MRPL43: variants seen among roughly 807,000 people sequenced by gnomAD.
MRPL43 encodes the protein mitochondrial ribosomal protein L43, also known as large ribosomal subunit protein mL43.
A neutral mutation model predicts 12.7 loss-of-function variants in MRPL43; 9 were observed. That is an observed-to-expected ratio of 0.71 (90% confidence interval 0.43 to 1.24). MRPL43 has a LOEUF of 1.24. MRPL43 is among the 50% of genes most tolerant of loss of function. The pLI is 0.00. For missense variants in MRPL43, 211 were observed against 229.2 expected, an observed-to-expected ratio of 0.92 and a Z score of 0.51; for synonymous variants, 116 against 96.4, an observed-to-expected ratio of 1.20 and a Z score of -1.19.
At chr10:100,984,589 C>T, downstream of MRPL43, 1 of 1,536,220 alleles carries the variant, frequency 6.5e-7, no homozygotes, top group Non-Finnish European at 8.7e-7. Context: ...TGCCAGCCAC[C>T]TAAGCCCTGC....
chr10:100,980,414 G>C, downstream of MRPL43: 1 of 1,488,542 alleles, frequency 6.7e-7, no homozygotes, highest in Non-Finnish European at 9.3e-7. Context: ...ATTAATTCCT[G>C]CCATGACTAG....
rs759996647 is a variant in MRPL43 at position 100,986,709 on chromosome 10, G to C, written c.*25C>G. ...TACCGGAGTAACAGTCCAAAGCCTG[G>C]GGCTGCAGTTGGTGGGGCAACTCTT... On this transcript the variant is annotated 3_prime_UTR_variant, in exon 3 of 3. Transcript: ENST00000318364. 1.2e-6 allele frequency: 2 copies of C among 1,613,822 alleles called. No individual in the cohort carries two copies. The highest frequency in any genetic ancestry group is 1.7e-6 in the Non-Finnish European group (2 of 1,179,950).
chr10:100,984,544 G>C, downstream of MRPL43: 1 of 1,536,158 alleles, frequency 6.5e-7, no homozygotes, highest in Non-Finnish European at 8.7e-7. Flanking sequence ...GCATGGCCCT[G>C]TGTGCTGGAT....
chr10:100,980,549 G>A (rs751891606), downstream of MRPL43: 1 of 1,581,534 alleles, frequency 6.3e-7, no homozygotes, highest in Non-Finnish European at 8.7e-7. Flanking sequence ...CCATAGTTGG[G>A]GTCTAACTCT....
chr10:100,987,226 A>T, intron 1 of MRPL43, 30 bp from the exon 2 acceptor site: 1 of 1,613,110 alleles, frequency 6.2e-7, no homozygotes, highest in Non-Finnish European at 8.5e-7. Context: ...GAGCAGTATG[A>T]CCCCTGACTG....
chr10:100,981,336 A>G (rs994450797), downstream of MRPL43: 6 of 1,602,496 alleles, frequency 3.7e-6, no homozygotes, highest in East Asian at 1.1e-4. Context: ...GGCTATGTAC[A>G]TTTGGTAAGG....
chr10:100,984,539 GC>G (rs1564801111), downstream of MRPL43: 1 of 1,536,012 alleles, frequency 6.5e-7, no homozygotes, highest in East Asian at 2.4e-5. Context: ...CCTCTGCATG[GC>G]CCTGTGTGCT....
chr10:100,983,739 C>G (rs1242957860), downstream of MRPL43: 2 of 1,612,992 alleles, frequency 1.2e-6, no homozygotes, highest in Non-Finnish European at 1.7e-6. Context: ...ACGAGGGCGC[C>G]GACGGAAATA....
chr10:100,981,104 A>T (rs1269472376), downstream of MRPL43: 1 of 1,609,220 alleles, frequency 6.2e-7, no homozygotes, highest in African/African-American at 1.3e-5. Flanking sequence ...AGACCTATCT[A>T]CCCTTTCACT....
Position 100,987,422 on chromosome 10 carries a change from T to G in MRPL43, c.22A>C (p.Ser8Arg), listed in dbSNP as rs764438517. The change falls in exon 1 of 3, where the codon AGC (serine) becomes CGC (arginine). Residue 8 changes from serine (S) to arginine (R), a missense_variant. Ser to Arg is a moderately radical substitution (Grantham distance 110). Transcript: ENST00000318364. The part of the protein sequence containing the change: MTARGTP[S>R]RFLASVLHNG... ...TGGAGAACGCTGGCCAAGAAGCGGC[T>G]CGGAGTCCCGCGCGCCGTCATAGCT... 1 of 1,612,328 alleles carries G rather than the reference T, an allele frequency of 6.2e-7. No homozygotes were observed. Among genetic ancestry groups the G allele is most frequent in the South Asian group, 1.1e-5 (1 of 91,054 alleles).
downstream of MRPL43, chr10:100,984,084 A>C (rs1177109703): frequency 6.2e-7 from 1 of 1,613,476 alleles, no homozygotes; most frequent in Non-Finnish European, 8.5e-7. Context: ...CCTGGAAAAA[A>C]GGAAGCACAC....
downstream of MRPL43, chr10:100,985,565 G>A (rs1851411332): frequency 6.6e-6 from 1 of 152,574 alleles, no homozygotes; most frequent in South Asian, 2.1e-4. Context: ...TGGGGAGCCT[G>A]GGCTCAGCTC....
rs950240945 is a variant in MRPL43, at chr10:100,986,649, C to T, written c.*85G>A. 1.2e-6 allele frequency: 2 copies of T among 1,613,828 alleles called. No homozygotes were observed. Among genetic ancestry groups the T allele is most frequent in the Middle Eastern group, 1.6e-4 (1 of 6,062 alleles). ...TTGCCCATTGATGGGTTCCATTTGC[C>T]TGGGCTTGGAATCCCAAAGGGGAAG... On this transcript the variant is annotated 3_prime_UTR_variant, in exon 3 of 3. Coordinates refer to ENST00000318364, the MANE Select transcript of MRPL43 (RefSeq NM_032112.3).
At chr10:100,979,024 T>C (rs1042929380), downstream of MRPL43, 15 of 1,613,626 alleles carry the variant, frequency 9.3e-6, no homozygotes, top group African/African-American at 1.3e-5. Flanking sequence ...GCAAGGTGGA[T>C]TGGGCTGACG....
chr10:100,980,587 G>A, downstream of MRPL43: 1 of 1,613,870 alleles, frequency 6.2e-7, no homozygotes, highest in Non-Finnish European at 8.5e-7. Context: ...GCTGATGGCT[G>A]GATCCACAAG....
At chr10:100,984,329 C>G, downstream of MRPL43, 1 of 1,437,492 alleles carries the variant, frequency 7.0e-7, no homozygotes, top group Non-Finnish European at 9.1e-7. Flanking sequence ...CACATGTGAG[C>G]AGCCCAGGCC....
chr10:100,983,625 C>T (rs772635727), downstream of MRPL43: 2 of 1,613,914 alleles, frequency 1.2e-6, no homozygotes, highest in South Asian at 2.2e-5. Context: ...ACAGCTGGCA[C>T]CTGATGTGAG....
Position 100,987,280 on chromosome 10 carries a change from C to G in MRPL43, c.131+33G>C, listed in dbSNP as rs781549925. 9 of 1,611,856 alleles carry G rather than the reference C, an allele frequency of 5.6e-6. No homozygotes were observed. The East Asian group carries it at 8.9e-5, about 16-fold the overall frequency. On this transcript the variant is annotated intron_variant, in intron 1 of 2. Coordinates refer to ENST00000318364, the MANE Select transcript of MRPL43 (RefSeq NM_032112.3). ...AGTCGTTGCCACCTCCACACCCACCCCGACCCGCGCCTGCGCACTTCCCTT... is the reference window on the plus strand; with the variant it reads ...AGTCGTTGCCACCTCCACACCCACCGCGACCCGCGCCTGCGCACTTCCCTT...
chr10:100,983,876 C>T (rs539199769), downstream of MRPL43: 21 of 1,557,752 alleles, frequency 1.3e-5, no homozygotes, highest in East Asian at 4.5e-4. Context: ...GCAGCTGTCT[C>T]CAGATCATCC....
Sources: allele counts gnomAD v4.1 joint callset, GRCh38; gene constraint gnomAD v4.1.1; transcripts MANE v1.5; gene names NCBI Gene and HGNC (gene_info 2026-07-23, HGNC 2026-07-21).